EYA2: variants seen among roughly 807,000 people sequenced by gnomAD.
The protein encoded by EYA2 is EYA transcriptional coactivator and phosphatase 2.
In EYA2, 31 loss-of-function variants were observed where a neutral mutation model predicts 69.2. The ratio of observed to expected loss-of-function variants is 0.45; its 90% CI spans 0.34 to 0.60. EYA2 has a LOEUF of 0.60. EYA2 is among the 20% of genes least tolerant of loss of function. The probability of loss-of-function intolerance (pLI) is 0.02; values close to 1 mark genes in which losing one functional copy is unlikely to be tolerated. For synonymous variants in EYA2, 257 were observed against 279.4 expected, an observed-to-expected ratio of 0.92 and a Z score of 0.80; for missense variants, 622 against 701.2, an observed-to-expected ratio of 0.89 and a Z score of 1.28.
chr20:46,913,674 C>T (rs572001394), intron 1 of EYA2, among the ~76,000 whole-genome samples: 11 of 152,078 alleles, frequency 7.2e-5, no homozygotes, highest in Admixed American at 2.6e-4. Context: ...AAGATAGAGC[C>T]GATAGAATTT....
intron 7 of EYA2, among the ~76,000 whole-genome samples, chr20:47,083,923 C>G (rs1408228651): frequency 6.6e-6 from 1 of 152,052 alleles, no homozygotes; most frequent in Non-Finnish European, 1.5e-5. Flanking sequence ...GTTCAAAATC[C>G]AATAATAAGA....
At chr20:47,156,995 A>C in intron 10 of EYA2, among the ~76,000 whole-genome samples, 1 of 151,988 alleles carries the variant, frequency 6.6e-6, no homozygotes, top group South Asian at 2.1e-4. Context: ...TCACCAGCTC[A>C]ATCAGAACAG....
chr20:47,017,234 G>A (rs1300781150), intron 5 of EYA2, among the ~76,000 whole-genome samples: 2 of 152,152 alleles, frequency 1.3e-5, no homozygotes, highest in Non-Finnish European at 2.9e-5. Context: ...CCATTCTGCT[G>A]TTTCCCTTTA....
rs949247956 is a variant in EYA2, at chr20:47,046,056, T to G, written c.416-26129T>G. Among the ~76,000 whole-genome samples, 5 of 152,194 alleles carry G rather than the reference T, an allele frequency of 3.3e-5. No individual in the cohort carries two copies. The South Asian group carries it at 1.0e-3, about 31-fold the overall frequency. On this transcript the variant is annotated intron_variant, in intron 5 of 15. Transcript: ENST00000327619. ...AACAACAGACATTTACTTCTAACAGTTCTAGGGACTGGGAAGTCCAAGATC... is the reference window on the plus strand; with the variant it reads ...AACAACAGACATTTACTTCTAACAGGTCTAGGGACTGGGAAGTCCAAGATC...
intron 10 of EYA2, among the ~76,000 whole-genome samples, chr20:47,155,483 G>A (rs114196299): frequency 0.016 from 2,398 of 152,040 alleles, 64 homozygotes; most frequent in African/African-American, 0.055. Context: ...GGGCTTGTCT[G>A]TACCCATTCA....
intron 2 of EYA2, among the ~76,000 whole-genome samples, chr20:46,995,156 C>G (rs904723208): frequency 2.0e-5 from 3 of 150,780 alleles, no homozygotes; most frequent in African/African-American, 7.5e-5. Flanking sequence ...TCGCCTAAGC[C>G]TCCCAAAGTG....
chr20:47,180,687 T>C, intron 13 of EYA2, 128 bp from the exon 14 acceptor site: 3 of 1,163,652 alleles, frequency 2.6e-6, no homozygotes, highest in South Asian at 3.0e-5. Context: ...GGCCCTAACA[T>C]ACCTGAAGAT....
intron 7 of EYA2, among the ~76,000 whole-genome samples, chr20:47,084,300 GGAGGCCAAGGACGGCAGATTGCTT>G (rs1234593349): frequency 3.3e-5 from 5 of 152,142 alleles, no homozygotes; most frequent in Non-Finnish European, 1.5e-5. Flanking sequence ...CAGCACTTTG[GGAGGCCAAGGACGGCAGATTGCTT>G]GAGCCCAAGA....
At chr20:47,043,808 C>T (rs780917532) in intron 5 of EYA2, among the ~76,000 whole-genome samples, 1 of 152,154 alleles carries the variant, frequency 6.6e-6, no homozygotes, top group Non-Finnish European at 1.5e-5. Context: ...CATCATTGTC[C>T]TGTCTGAGTG....
intron 1 of EYA2, among the ~76,000 whole-genome samples, chr20:46,927,577 C>T (rs1207446860): frequency 6.6e-6 from 1 of 152,256 alleles, no homozygotes; most frequent in South Asian, 2.1e-4. Context: ...GAATGAGAGC[C>T]AATCAAAAGG....
chr20:46,908,304 A>G (rs189652550), intron 1 of EYA2, among the ~76,000 whole-genome samples: 2 of 152,350 alleles, frequency 1.3e-5, no homozygotes, highest in East Asian at 3.9e-4. Flanking sequence ...AAAAAAGGTC[A>G]AGAGAAGCTG....
intron 1 of EYA2, among the ~76,000 whole-genome samples, chr20:46,986,735 A>C (rs761593825): frequency 6.6e-6 from 1 of 152,078 alleles, no homozygotes; most frequent in Non-Finnish European, 1.5e-5. Context: ...GGCGCAAGAG[A>C]GATGCCCGAC....
intron 1 of EYA2, among the ~76,000 whole-genome samples, chr20:46,903,560 C>T (rs1320897589): frequency 4.6e-5 from 7 of 152,188 alleles, no homozygotes; most frequent in Admixed American, 4.6e-4. Flanking sequence ...GCTCAGGTTA[C>T]ACTTCCCCTC....
chr20:46,959,496 AC>A (rs893846622), intron 1 of EYA2, among the ~76,000 whole-genome samples: 25 of 152,218 alleles, frequency 1.6e-4, no homozygotes, highest in African/African-American at 5.3e-4. Context: ...CTCCTCTGTT[AC>A]TGCTTTAGCT....
chr20:47,087,712 G>T (rs1397317608), intron 7 of EYA2, among the ~76,000 whole-genome samples: 3 of 152,148 alleles, frequency 2.0e-5, no homozygotes, highest in Non-Finnish European at 4.4e-5. Flanking sequence ...CCTCTCAGTG[G>T]GGCCACACCC....
At chr20:46,958,221 A>G (rs1274129781) in intron 1 of EYA2, among the ~76,000 whole-genome samples, 1 of 152,182 alleles carries the variant, frequency 6.6e-6, no homozygotes, top group Non-Finnish European at 1.5e-5. Context: ...GCCTCCTGCC[A>G]CGCTGCTGCC....
At chr20:47,008,628 G>C (rs986146023) in intron 4 of EYA2, among the ~76,000 whole-genome samples, 1 of 152,192 alleles carries the variant, frequency 6.6e-6, no homozygotes, top group African/African-American at 2.4e-5. Context: ...AAATCAATTT[G>C]GTGCAAAGTT....
intron 1 of EYA2, among the ~76,000 whole-genome samples, chr20:46,926,686 T>C (rs1985428816): frequency 6.6e-6 from 1 of 152,208 alleles, no homozygotes; most frequent in Middle Eastern, 3.2e-3. Context: ...AGCTGACATG[T>C]AAAATTAACC....
At chr20:47,138,432 G>A (rs565266409) in intron 9 of EYA2, among the ~76,000 whole-genome samples, 1 of 152,248 alleles carries the variant, frequency 6.6e-6, no homozygotes, top group African/African-American at 2.4e-5. Context: ...TACATGATAA[G>A]TATTTGAATC....
Sources: gnomAD v4.1 joint callset for allele counts (sites outside exome capture counted in the v4.1 genomes callset) on GRCh38, gnomAD v4.1.1 for gene constraint, MANE v1.5 for transcripts, NCBI Gene and HGNC (gene_info 2026-07-23, HGNC 2026-07-21) for gene names.